VAMP7: variants seen among roughly 807,000 people sequenced by gnomAD.
The protein encoded by VAMP7 is vesicle-associated membrane protein 7.
In VAMP7, 14 loss-of-function variants were observed where a neutral mutation model predicts 29.6. The observed-to-expected ratio is 0.47, with a 90% CI of 0.31 to 0.74. The LOEUF is 0.74. Among genes scored for constraint, VAMP7 ranks in the 30% least tolerant of loss-of-function variants. VAMP7 has a pLI of 0.05. For missense variants in VAMP7, 223 were observed against 262.4 expected, an observed-to-expected ratio of 0.85 and a Z score of 1.04; for synonymous variants, 95 against 88.1, an observed-to-expected ratio of 1.08 and a Z score of -0.44.
In VAMP7 at chrX:155,924,432, T is replaced by A. The variant is rs369237669; in HGVS notation, c.501+4552T>A. 1.8e-3 allele frequency among the ~76,000 whole-genome samples: 280 copies of A among 152,226 alleles called. 1 individual carries two copies. The highest frequency in any genetic ancestry group is 6.6e-3 in the African/African-American group (274 of 41,530). ...CCCCTTAACAAAAACTCTGTAACCA[T>A]TAAGTAATAATAACTCCCCATTCCC... On this transcript the variant is annotated intron_variant, in intron 6 of 7. Coordinates refer to ENST00000286448, the MANE Select transcript of VAMP7 (RefSeq NM_005638.6).
intron 6 of VAMP7, among the ~76,000 whole-genome samples, chrX:155,923,033 A>C (rs1291280286): frequency 6.6e-6 from 1 of 152,012 alleles, no homozygotes; most frequent in Non-Finnish European, 1.5e-5. Flanking sequence ...AATCTCCCTT[A>C]AAGTGGCATT....
intron 3 of VAMP7, among the ~76,000 whole-genome samples, chrX:155,896,464 T>C (rs770112856): frequency 4.2e-4 from 63 of 151,726 alleles, no homozygotes; most frequent in African/African-American, 1.5e-3. Context: ...TTTACATTGG[T>C]TAGGTATGAC....
intron 6 of VAMP7, among the ~76,000 whole-genome samples, chrX:155,927,726 C>T (rs1180295211): frequency 1.4e-5 from 2 of 144,088 alleles, no homozygotes; most frequent in Admixed American, 1.4e-4. Context: ...TTAAAGAATA[C>T]TTTCTTTGCA....
At chrX:155,937,001 A>G (rs2066669559) in intron 6 of VAMP7, among the ~76,000 whole-genome samples, 1 of 152,194 alleles carries the variant, frequency 6.6e-6, no homozygotes, top group South Asian at 2.1e-4. Flanking sequence ...ATGTTTATGG[A>G]TTGGAAGAAT....
chrX:155,928,705 A>G (rs1029664150), intron 6 of VAMP7, among the ~76,000 whole-genome samples: 11 of 152,124 alleles, frequency 7.2e-5, no homozygotes, highest in South Asian at 4.2e-4. Flanking sequence ...ATAATATCAC[A>G]TATGTCACAT....
At chrX:155,940,235 C>CT (rs1439898197) in intron 7 of VAMP7, among the ~76,000 whole-genome samples, 1 of 152,120 alleles carries the variant, frequency 6.6e-6, no homozygotes, top group African/African-American at 2.4e-5. Context: ...TAAACCACAA[C>CT]TTTAAAAACT....
chrX:155,918,394 A>G (rs1180626340), intron 5 of VAMP7, among the ~76,000 whole-genome samples: 1 of 152,040 alleles, frequency 6.6e-6, no homozygotes, highest in African/African-American at 2.4e-5. Flanking sequence ...GTCTGCCCAA[A>G]TGGCCGCCCA....
At chrX:155,939,049 AT>A (rs1249844246) in intron 6 of VAMP7, among the ~76,000 whole-genome samples, 3 of 146,004 alleles carry the variant, frequency 2.1e-5, no homozygotes, top group Non-Finnish European at 4.5e-5. Flanking sequence ...TGTCCAAAAC[AT>A]TTTTTTATAT....
At chrX:155,912,845 A>G (rs79085759) in intron 5 of VAMP7, among the ~76,000 whole-genome samples, 1 of 152,100 alleles carries the variant, frequency 6.6e-6, no homozygotes, top group Admixed American at 6.6e-5. Context: ...CTTTATAGTA[A>G]AATGATTTAT....
intron 4 of VAMP7, among the ~76,000 whole-genome samples, chrX:155,898,748 T>C (rs2066020418): frequency 6.6e-6 from 1 of 152,044 alleles, no homozygotes; most frequent in African/African-American, 2.4e-5. Flanking sequence ...AGTTCCCTCA[T>C]ATCCCTTACC....
At chrX:155,881,988 C>T (rs1409936309) in intron 1 of VAMP7, among the ~76,000 whole-genome samples, 2 of 152,118 alleles carry the variant, frequency 1.3e-5, no homozygotes, top group Non-Finnish European at 2.9e-5. Flanking sequence ...TATTAATGGC[C>T]AATGTTTATC....
chrX:155,904,794 A>G lies in VAMP7; in HGVS notation c.433+4207A>G, dbSNP rs887977649. Among the ~76,000 whole-genome samples the G allele has an allele frequency of 7.2e-5, 11 of 151,858 alleles. No homozygotes were observed. In the East Asian group the frequency reaches 1.4e-3, roughly 19 times the overall value. On this transcript the variant is annotated intron_variant, in intron 5 of 7. Transcript: ENST00000286448. Reference sequence around the variant, plus strand: ...TTTTTATGACTAATAATTCCAATGCATTAATGCATTTTATGTATCTACTCA... The same window carrying G: ...TTTTTATGACTAATAATTCCAATGCGTTAATGCATTTTATGTATCTACTCA...
chrX:155,908,257 A>C (rs1480237663), intron 5 of VAMP7, among the ~76,000 whole-genome samples: 2 of 152,216 alleles, frequency 1.3e-5, no homozygotes, highest in African/African-American at 4.8e-5. Flanking sequence ...ACTGCACTCC[A>C]GCCTGGGCAC....
chrX:155,931,714 A>T (rs1259825080), intron 6 of VAMP7, among the ~76,000 whole-genome samples: 101 of 152,092 alleles, frequency 6.6e-4, no homozygotes, highest in Admixed American at 1.1e-3. Context: ...CTCCTTAATT[A>T]GATCCCATTT....
intron 6 of VAMP7, among the ~76,000 whole-genome samples, chrX:155,939,475 A>T (rs1272474860): frequency 6.6e-6 from 1 of 152,160 alleles, no homozygotes; most frequent in African/African-American, 2.4e-5. Context: ...GCTGCAGTGG[A>T]GAAGAAAAAA....
intron 5 of VAMP7, among the ~76,000 whole-genome samples, chrX:155,913,553 G>T (rs992029374): frequency 6.6e-6 from 1 of 152,078 alleles, no homozygotes; most frequent in African/African-American, 2.4e-5. Context: ...TTTTGTATAA[G>T]GTGTAAGGAA....
intron 2 of VAMP7, among the ~76,000 whole-genome samples, chrX:155,892,502 T>C (rs1314548129): frequency 6.6e-6 from 1 of 152,118 alleles, no homozygotes; most frequent in East Asian, 1.9e-4. Context: ...TACTTAGCCA[T>C]TTACAATTCA....
chrX:155,892,936 A>G (rs1194551812), intron 2 of VAMP7, among the ~76,000 whole-genome samples: 2 of 151,936 alleles, frequency 1.3e-5, no homozygotes, highest in Non-Finnish European at 2.9e-5. Context: ...TATTTTTAGT[A>G]GAGATGGGGT....
At chrX:155,921,309 AT>A (rs201284119) in intron 6 of VAMP7, among the ~76,000 whole-genome samples, 8 of 151,704 alleles carry the variant, frequency 5.3e-5, no homozygotes, top group Admixed American at 3.3e-4. Flanking sequence ...TAGCTCAATT[AT>A]TTTTTATATA....
Sources: allele counts gnomAD v4.1 joint callset (sites outside exome capture counted in the v4.1 genomes callset), GRCh38; gene constraint gnomAD v4.1.1; transcripts MANE v1.5; gene names NCBI Gene and HGNC (gene_info 2026-07-23, HGNC 2026-07-21).